The following TMEM131L variants were observed in gnomAD, a reference collection of about 807,000 sequenced individuals.
TMEM131L encodes transmembrane 131 like.
TMEM131L carries 54 observed loss-of-function variants against 192.2 expected under a neutral mutation model. The observed-to-expected ratio is 0.28, with a 90% CI of 0.23 to 0.35. The LOEUF (loss-of-function observed/expected upper bound fraction) is 0.35. Among genes scored for constraint, TMEM131L ranks in the 10% least tolerant of loss-of-function variants. The pLI is 1.00. For synonymous variants in TMEM131L, 701 were observed against 704.9 expected (o/e 0.99, Z 0.09); for missense variants, 1,888 against 1,972.9 (o/e 0.96, Z 0.82).
intron 3 of TMEM131L, among the ~76,000 whole-genome samples, chr4:153,521,043 G>A (rs1432293796): frequency 6.6e-6 from 1 of 152,162 alleles, no homozygotes; most frequent in East Asian, 1.9e-4. Flanking sequence ...TTTGGGGAGG[G>A]GAAGTGGTTG....
chr4:153,622,909 C>A lies in TMEM131L; in HGVS notation c.3871C>A (p.Gln1291Lys). 1 of 1,614,166 alleles carries A rather than the reference C, an allele frequency of 6.2e-7. No individual in the cohort carries two copies. Among genetic ancestry groups the A allele is most frequent in the Non-Finnish European group, 8.5e-7 (1 of 1,180,014 alleles). Reference sequence around the variant, plus strand: ...TTCACTTCCTCCAGAAGGTTACTACCAGAAGCCTGAGAAGAAATGTGTGGA... The same window carrying A: ...TTCACTTCCTCCAGAAGGTTACTACAAGAAGCCTGAGAAGAAATGTGTGGA... Reference protein sequence around the residue: ...AAQREAEGYYQKPEKKCVDKF... With the variant: ...AAQREAEGYYKKPEKKCVDKF... Residue 1291 changes from glutamine to lysine, a missense_variant, in exon 29 of 35, where the codon CAG (glutamine) becomes AAG (lysine). Coordinates refer to ENST00000409959, the MANE Select transcript of TMEM131L (RefSeq NM_001131007.2).
At chr4:153,470,993 T>TTTC (rs1731118695) in intron 2 of TMEM131L, among the ~76,000 whole-genome samples, 1 of 54,402 alleles carries the variant, frequency 1.8e-5, no homozygotes, top group African/African-American at 2.2e-4. Context: ...GTTTGTTTTC[T>TTTC]TTTTTTTTTT....
intron 7 of TMEM131L, among the ~76,000 whole-genome samples, chr4:153,563,456 C>CCT (rs1728976307): frequency 2.3e-5 from 2 of 88,208 alleles, no homozygotes; most frequent in Middle Eastern, 7.9e-3. Flanking sequence ...GATATGTACC[C>CCT]TTTTTTTTTT....
rs374932032 is a variant in TMEM131L, at chr4:153,584,964, A to G, written c.1157+33A>G. ...ACTTCCACTTTCCCTGAAATCTTGT[A>G]TGGTTGTTGTTGTTGTTTTCCCCTC... On this transcript the variant is annotated intron_variant, in intron 12 of 34. Coordinates refer to ENST00000409959, the MANE Select transcript of TMEM131L (RefSeq NM_001131007.2). The G allele has an allele frequency of 3.8e-4, 560 of 1,476,208 alleles. 1 individual carries two copies. The highest frequency in any genetic ancestry group is 1.2e-3 in the South Asian group (102 of 88,178). The allele number at this position is 1,476,208 out of a possible 1,614,324, so 91.4% of individuals were successfully genotyped here. A position where few individuals can be genotyped will look rare whatever the true frequency, so the allele number is the denominator to read the frequency against.
intron 3 of TMEM131L, among the ~76,000 whole-genome samples, chr4:153,534,371 AGGT>A (rs1430402185): frequency 6.6e-6 from 1 of 152,158 alleles, no homozygotes; most frequent in Non-Finnish European, 1.5e-5. Flanking sequence ...TATAAACAGG[AGGT>A]TGAAGCTTAT....
intron 31 of TMEM131L, among the ~76,000 whole-genome samples, 180 bp downstream of exon 31, chr4:153,627,867 A>G (rs1384286106): frequency 2.6e-5 from 4 of 152,200 alleles, no homozygotes; most frequent in African/African-American, 9.6e-5. Flanking sequence ...GACGGGCATC[A>G]TTGGGGCCCC....
intron 3 of TMEM131L, among the ~76,000 whole-genome samples, chr4:153,530,854 C>T (rs1735846944): frequency 6.6e-6 from 1 of 152,134 alleles, no homozygotes; most frequent in Non-Finnish European, 1.5e-5. Context: ...CACCAGCACC[C>T]CTTGTGGGCC....
intron 3 of TMEM131L, among the ~76,000 whole-genome samples, chr4:153,522,330 C>A (rs1421203657): frequency 6.6e-6 from 1 of 152,206 alleles, no homozygotes; most frequent in Non-Finnish European, 1.5e-5. Context: ...AAATAGGTGT[C>A]CTAACTTCCA....
At chr4:153,541,945 G>A (rs1736813486) in intron 3 of TMEM131L, among the ~76,000 whole-genome samples, 1 of 152,232 alleles carries the variant, frequency 6.6e-6, no homozygotes, top group African/African-American at 2.4e-5. Flanking sequence ...TGCCTCAGGC[G>A]GGTAAATCTG....
chr4:153,616,622 T>A (rs967107971), intron 26 of TMEM131L, among the ~76,000 whole-genome samples: 2 of 152,236 alleles, frequency 1.3e-5, no homozygotes, highest in Non-Finnish European at 2.9e-5. Flanking sequence ...AAGTAATTCA[T>A]GATTATTATA....
chr4:153,467,414 G>A (rs1228906626), intron 2 of TMEM131L, 133 bp downstream of exon 2: 2 of 758,210 alleles, frequency 2.6e-6, no homozygotes, highest in South Asian at 1.7e-5. Flanking sequence ...TAAACGTTAG[G>A]GGCCGAGCCT....
intron 2 of TMEM131L, among the ~76,000 whole-genome samples, chr4:153,469,632 T>C (rs1421305883): frequency 1.3e-5 from 2 of 152,064 alleles, no homozygotes; most frequent in African/African-American, 4.8e-5. Context: ...GGATGTGGCA[T>C]TAAATAAAAT....
At chr4:153,560,299 T>C (rs961853961) in intron 7 of TMEM131L, among the ~76,000 whole-genome samples, 1 of 152,156 alleles carries the variant, frequency 6.6e-6, no homozygotes, top group Non-Finnish European at 1.5e-5. Flanking sequence ...AGTGGTTGAG[T>C]GGAGTTTTGG....
rs774812981 is a variant in TMEM131L at position 153,587,749 on chromosome 4, G to A, written c.1490G>A (p.Ser497Asn). 1.2e-6 allele frequency: 2 copies of A among 1,609,732 alleles called. No homozygotes were observed. Among genetic ancestry groups the A allele is most frequent in the South Asian group, 1.1e-5 (1 of 90,988 alleles). Residue 497 changes from serine (S) to asparagine (N), a missense_variant, in exon 15 of 35, where the codon AGT (serine) becomes AAT (asparagine). By Grantham distance (46) the Ser-to-Asn change is conservative. Transcript: ENST00000409959. ...TATTACTTTTCAATCTAGGAAGGGA[G>A]TCTGGGTTTTGAAGTGATAGCACAT... ...QIYSAPTKEG[S>N]LGFEVIAHCG...
At chr4:153,472,774 G>A (rs1192888401) in intron 2 of TMEM131L, among the ~76,000 whole-genome samples, 1 of 152,206 alleles carries the variant, frequency 6.6e-6, no homozygotes, top group African/African-American at 2.4e-5. Flanking sequence ...AACAGCCAGT[G>A]CAAAGGCCCT....
At chr4:153,567,184 C>T (rs1729267378) in intron 7 of TMEM131L, among the ~76,000 whole-genome samples, 1 of 152,106 alleles carries the variant, frequency 6.6e-6, no homozygotes, top group African/African-American at 2.4e-5. Flanking sequence ...ACATTTCTCC[C>T]TAACAAGTTA....
chr4:153,594,605 C>T (rs981186246), intron 19 of TMEM131L, among the ~76,000 whole-genome samples: 1 of 152,190 alleles, frequency 6.6e-6, no homozygotes, highest in Non-Finnish European at 1.5e-5. Flanking sequence ...ATTTTTACTA[C>T]ACTATATTTA....
chr4:153,594,452 C>T (rs1486407311), intron 19 of TMEM131L, among the ~76,000 whole-genome samples: 3 of 152,136 alleles, frequency 2.0e-5, no homozygotes, highest in Non-Finnish European at 4.4e-5. Flanking sequence ...TCTCAGTTTC[C>T]ACTCAGTCAT....
intron 3 of TMEM131L, among the ~76,000 whole-genome samples, chr4:153,503,300 C>T (rs909290392): frequency 3.3e-5 from 5 of 152,068 alleles, no homozygotes; most frequent in Admixed American, 3.3e-4. Context: ...TTCCTCCTTT[C>T]TCTGGGAGCA....
Sources: allele counts gnomAD v4.1 joint callset (sites outside exome capture counted in the v4.1 genomes callset), GRCh38; gene constraint gnomAD v4.1.1; transcripts MANE v1.5; gene names NCBI Gene and HGNC (gene_info 2026-07-23, HGNC 2026-07-21).